Variants in CAMK2D observed in about 807,000 individuals in gnomAD.
CAMK2D encodes calcium/calmodulin dependent protein kinase II delta.
Under a neutral mutation model 84.0 loss-of-function variants are expected in CAMK2D, and 37 were observed. The observed-to-expected ratio is 0.44, with a 90% CI of 0.34 to 0.58. The LOEUF is 0.58. CAMK2D is among the 20% of genes least tolerant of loss of function. The probability of loss-of-function intolerance (pLI) is 0.02; values close to 1 mark genes in which losing one functional copy is unlikely to be tolerated. For synonymous variants in CAMK2D, 202 were observed against 212.5 expected, an observed-to-expected ratio of 0.95 and a Z score of 0.43; for missense variants, 448 against 652.5, an observed-to-expected ratio of 0.69 and a Z score of 3.41.
chr4:113,593,415 C>A (rs2098903440), intron 4 of CAMK2D, among the ~76,000 whole-genome samples: 1 of 151,952 alleles, frequency 6.6e-6, no homozygotes, highest in African/African-American at 2.4e-5. Flanking sequence ...TCCTCTGAAC[C>A]ATCATGAGGT....
intron 2 of CAMK2D, among the ~76,000 whole-genome samples, chr4:113,748,938 A>G (rs1032807618): frequency 2.6e-5 from 4 of 151,920 alleles, no homozygotes; most frequent in African/African-American, 9.7e-5. Context: ...TACCTAACAA[A>G]TATTAATGTT....
intron 16 of CAMK2D, among the ~76,000 whole-genome samples, chr4:113,480,155 G>T (rs949542072): frequency 2.0e-5 from 3 of 152,036 alleles, no homozygotes; most frequent in Non-Finnish European, 2.9e-5. Flanking sequence ...TAGAGACAGG[G>T]TTTCACTGTG....
In CAMK2D at chr4:113,549,091, A is replaced by C. The variant is rs117735288; in HGVS notation, c.342-1375T>G. On this transcript the variant is annotated intron_variant, in intron 5 of 20. Transcript: ENST00000511664. Reference sequence around the variant, plus strand: ...TCTGGGAAAATTCTTCAGAGATATAAAATTTCCAGGTATTTCTTATACACA... The same window carrying C: ...TCTGGGAAAATTCTTCAGAGATATACAATTTCCAGGTATTTCTTATACACA... 7.5e-3 allele frequency among the ~76,000 whole-genome samples: 1,144 copies of C among 152,292 alleles called. 25 individuals are homozygous for C. In the East Asian group the frequency reaches 0.11, roughly 14 times the overall value.
intron 4 of CAMK2D, among the ~76,000 whole-genome samples, chr4:113,571,085 C>T (rs536099162): frequency 9.9e-5 from 15 of 152,122 alleles, no homozygotes; most frequent in African/African-American, 3.4e-4. Flanking sequence ...CAAATTAAGG[C>T]TACAATAAAA....
At chr4:113,571,661 G>A (rs1412060646) in intron 4 of CAMK2D, among the ~76,000 whole-genome samples, 5 of 152,160 alleles carry the variant, frequency 3.3e-5, no homozygotes, top group Non-Finnish European at 5.9e-5. Context: ...ATCACCTGAG[G>A]TCAGGTGTTC....
chr4:113,723,991 A>G (rs2099538689), intron 2 of CAMK2D, among the ~76,000 whole-genome samples: 1 of 152,140 alleles, frequency 6.6e-6, no homozygotes, highest in Admixed American at 6.5e-5. Flanking sequence ...TATTGATGTT[A>G]TATTACGTAT....
intron 14 of CAMK2D, among the ~76,000 whole-genome samples, chr4:113,504,521 A>C (rs905274217): frequency 9.2e-5 from 14 of 152,242 alleles, no homozygotes; most frequent in African/African-American, 3.4e-4. Context: ...GGAAACGAGA[A>C]CTCTGAATAA....
chr4:113,667,762 T>C (rs184506647), intron 2 of CAMK2D, among the ~76,000 whole-genome samples: 40 of 152,332 alleles, frequency 2.6e-4, no homozygotes, highest in Middle Eastern at 3.4e-3. Context: ...AACTATGCTA[T>C]GTCATTGTGT....
chr4:113,554,292 C>A (rs981771526), intron 4 of CAMK2D, among the ~76,000 whole-genome samples: 1 of 151,990 alleles, frequency 6.6e-6, no homozygotes, highest in African/African-American at 2.4e-5. Context: ...TACTGTAAAT[C>A]TGAACTTTAC....
At chr4:113,607,210 CAA>C (rs1411948397) in intron 4 of CAMK2D, among the ~76,000 whole-genome samples, 1 of 151,962 alleles carries the variant, frequency 6.6e-6, no homozygotes, top group African/African-American at 2.4e-5. Flanking sequence ...AAAGTAAAAA[CAA>C]GAGCTGAGAA....
At chr4:113,553,735 A>G (rs1291263412) in intron 4 of CAMK2D, among the ~76,000 whole-genome samples, 1 of 152,226 alleles carries the variant, frequency 6.6e-6, no homozygotes, top group Non-Finnish European at 1.5e-5. Flanking sequence ...GGCATGTTCT[A>G]AAAACCATGG....
chr4:113,479,587 G>A (rs1045340254), intron 16 of CAMK2D, among the ~76,000 whole-genome samples: 4 of 152,016 alleles, frequency 2.6e-5, no homozygotes, highest in African/African-American at 7.2e-5. Context: ...AAAGAACACC[G>A]TCATCTTCAC....
At chr4:113,627,030 A>T (rs189968959) in intron 3 of CAMK2D, among the ~76,000 whole-genome samples, 160 of 152,294 alleles carry the variant, frequency 1.1e-3, no homozygotes, top group South Asian at 1.7e-3. Flanking sequence ...AATGTTTTTT[A>T]AAAATAGGCT....
chr4:113,596,625 A>G (rs1444447304), intron 4 of CAMK2D, among the ~76,000 whole-genome samples: 1 of 152,164 alleles, frequency 6.6e-6, no homozygotes, highest in African/African-American at 2.4e-5. Context: ...CTCTTGGGCA[A>G]CTAGGTCAAT....
intron 16 of CAMK2D, among the ~76,000 whole-genome samples, chr4:113,497,753 T>C (rs1031718080): frequency 3.9e-5 from 6 of 152,206 alleles, no homozygotes; most frequent in African/African-American, 9.7e-5. Flanking sequence ...ATGGGAGGCA[T>C]GTGACATGGT....
At chr4:113,505,486 T>G (rs1006455820) in intron 13 of CAMK2D, among the ~76,000 whole-genome samples, 2 of 152,218 alleles carry the variant, frequency 1.3e-5, no homozygotes, top group Non-Finnish European at 2.9e-5. Context: ...GATCCAGCAT[T>G]ACTTTGCTTA....
rs182086654 is a variant in CAMK2D at position 113,648,204 on chromosome 4, T to C, written c.220+13509A>G. ...TTTTGTACATCTCAAAATATTTTGT[T>C]CCCAAATATAATTTCCTTTTATTCA... On this transcript the variant is annotated intron_variant, in intron 3 of 20. Transcript: ENST00000511664. 2.0e-3 allele frequency among the ~76,000 whole-genome samples: 310 copies of C among 152,302 alleles called. 8 individuals carry two copies. Among genetic ancestry groups the C allele is most frequent in the Non-Finnish European group, 6.3e-4 (43 of 68,024 alleles).
At chr4:113,560,942 C>T (rs959794994) in intron 4 of CAMK2D, among the ~76,000 whole-genome samples, 2 of 152,078 alleles carry the variant, frequency 1.3e-5, no homozygotes, top group East Asian at 3.9e-4. Context: ...ATAATGAATT[C>T]CTTCTGTGGG....
intron 3 of CAMK2D, among the ~76,000 whole-genome samples, chr4:113,615,581 A>C (rs1290587223): frequency 6.6e-6 from 1 of 152,136 alleles, no homozygotes; most frequent in African/African-American, 2.4e-5. Context: ...TTCCTATAAC[A>C]CAAGTAATAC....
Sources: allele counts gnomAD v4.1 joint callset (sites outside exome capture counted in the v4.1 genomes callset), GRCh38; gene constraint gnomAD v4.1.1; transcripts MANE v1.5; gene names NCBI Gene and HGNC (gene_info 2026-07-23, HGNC 2026-07-21).